Variants in EXOC2 observed in about 807,000 individuals in gnomAD.
The protein encoded by EXOC2 is exocyst complex component 2.
EXOC2 carries 70 observed loss-of-function variants against 131.8 expected under a neutral mutation model. That is an observed-to-expected ratio of 0.53 (90% CI 0.44 to 0.65). EXOC2 has a LOEUF of 0.65. EXOC2 is among the 30% of genes least tolerant of loss of function. The probability of loss-of-function intolerance (pLI) is 0.00; values close to 1 mark genes in which losing one functional copy is unlikely to be tolerated. For synonymous variants in EXOC2, 411 were observed against 398.4 expected, an observed-to-expected ratio of 1.03 and a Z score of -0.38; for missense variants, 923 against 1,108.6, an observed-to-expected ratio of 0.83 and a Z score of 2.38.
chr6:677,337 T>C (rs1398546708), intron 1 of EXOC2, among the ~76,000 whole-genome samples: 2 of 152,386 alleles, frequency 1.3e-5, no homozygotes, highest in Middle Eastern at 3.4e-3. Context: ...GTTGAAGTTT[T>C]TGTGTTTAGT....
chr6:513,508 A>C (rs1764972021), intron 23 of EXOC2, among the ~76,000 whole-genome samples: 1 of 152,230 alleles, frequency 6.6e-6, no homozygotes, highest in Admixed American at 6.5e-5. Context: ...CATCATATTT[A>C]AAGTCCATGA....
At chr6:682,383 G>A (rs1358484342) in intron 1 of EXOC2, among the ~76,000 whole-genome samples, 2 of 151,872 alleles carry the variant, frequency 1.3e-5, no homozygotes, top group East Asian at 3.9e-4. Context: ...TGTATTTTTA[G>A]TAGAGACAGG....
rs190212963 is a variant in EXOC2, at chr6:534,353, T to A, written c.2239-1743A>T. On this transcript the variant is annotated intron_variant, in intron 22 of 27. Transcript: ENST00000230449. ...AGGCTTGCAGAGTGCCAGGCTAGAC[T>A]GGTAAGACAGCCCACATATCTAGGC... 1.9e-3 allele frequency among the ~76,000 whole-genome samples: 289 copies of A among 152,234 alleles called. 2 individuals are homozygous for A. The highest frequency in any genetic ancestry group is 6.5e-3 in the African/African-American group (269 of 41,530).
chr6:485,298 C>G lies in EXOC2; in HGVS notation c.*1373G>C, dbSNP rs1018060450. On this transcript the variant is annotated 3_prime_UTR_variant, in exon 28 of 28. Coordinates refer to ENST00000230449, the MANE Select transcript of EXOC2 (RefSeq NM_018303.6). The stretch of plus-strand genomic sequence containing the variant: ...ACTTAGGAAAGACAATTCTTAACAG[C>G]TTTATCAAGCACATTTGTGAAAGAT... 2.0e-5 allele frequency: 3 copies of G among 152,170 alleles called. No homozygotes were observed. Among genetic ancestry groups the G allele is most frequent in the Non-Finnish European group, 4.4e-5 (3 of 68,034 alleles). The allele number at this position is 152,170 out of a possible 1,614,324, so 9.4% of individuals were successfully genotyped here. A position where few individuals can be genotyped will look rare whatever the true frequency, so the allele number is the denominator to read the frequency against.
intron 22 of EXOC2, among the ~76,000 whole-genome samples, chr6:545,693 C>T (rs1031100650): frequency 7.9e-5 from 12 of 152,096 alleles, no homozygotes; most frequent in African/African-American, 2.9e-4. Flanking sequence ...CAATATTTAC[C>T]AAGTACCTCT....
At chr6:489,952 G>A (rs78737847) in intron 26 of EXOC2, among the ~76,000 whole-genome samples, 2,495 of 152,290 alleles carry the variant, frequency 0.016, 74 homozygotes, top group African/African-American at 0.055. Flanking sequence ...GGGAGGGCGC[G>A]GTGGGGTGTG....
At chr6:654,828 A>AAAAAAAAAAAC (rs1762995070) in intron 1 of EXOC2, among the ~76,000 whole-genome samples, 1 of 139,086 alleles carries the variant, frequency 7.2e-6, no homozygotes, top group Non-Finnish European at 1.6e-5. Context: ...AAAAAAAAAA[A>AAAAAAAAAAAC]AAAAAAAAAG....
In EXOC2 at chr6:617,841, A is replaced by G. The variant is rs200298028; in HGVS notation, c.537-6T>C. Reference sequence around the variant, plus strand: ...CCATTTTGAGCTGCTCAAAACTGAAATGAAATAAAGAAACCAAAGTTTGAC... The same window carrying G: ...CCATTTTGAGCTGCTCAAAACTGAAGTGAAATAAAGAAACCAAAGTTTGAC... On this transcript the variant is annotated splice_polypyrimidine_tract_variant and splice_region_variant and intron_variant, in intron 5 of 27. Transcript: ENST00000230449. The G allele has an allele frequency of 8.6e-5, 139 of 1,610,706 alleles. 1 individual carries two copies. The East Asian group carries it at 3.1e-3, about 35-fold the overall frequency.
rs777741723 is a variant in EXOC2, at chr6:549,257, C to T, written c.2156G>A (p.Cys719Tyr). ...QRLLIVLSNC[C>Y]YLERHTFLNI... Reference sequence around the variant, plus strand: ...TAGGAAGGTGTGACGTTCTAGATAGCAGCAATTACTTAGGACTATCAAAAG... The same window carrying T: ...TAGGAAGGTGTGACGTTCTAGATAGTAGCAATTACTTAGGACTATCAAAAG... Residue 719 changes from cysteine to tyrosine, a missense_variant, in exon 22 of 28, where the codon TGC becomes TAC. Physicochemically the swap from Cys to Tyr is radical, Grantham distance 194 (BLOSUM62 -2). Transcript: ENST00000230449. 2.5e-6 allele frequency: 4 copies of T among 1,614,042 alleles called. No homozygotes were observed. The highest frequency in any genetic ancestry group is 2.2e-5 in the East Asian group (1 of 44,904).
chr6:545,433 G>A (rs1756796350), intron 22 of EXOC2, among the ~76,000 whole-genome samples: 2 of 152,100 alleles, frequency 1.3e-5, no homozygotes, highest in South Asian at 4.1e-4. Flanking sequence ...TTTGGTTGGT[G>A]GCAAATTTGG....
chr6:589,970 C>G (rs1009926178), intron 11 of EXOC2, among the ~76,000 whole-genome samples: 4 of 152,320 alleles, frequency 2.6e-5, no homozygotes, highest in South Asian at 4.1e-4. Context: ...AAAAAATTAG[C>G]TAGGCGTGGT....
chr6:561,391 G>T (rs6914219), intron 17 of EXOC2, among the ~76,000 whole-genome samples: 1 of 152,092 alleles, frequency 6.6e-6, no homozygotes, highest in Non-Finnish European at 1.5e-5. Context: ...GTATATGAAG[G>T]GATCTGGAAC....
At chr6:495,345 C>T (rs922204833) in intron 25 of EXOC2, among the ~76,000 whole-genome samples, 27 of 151,452 alleles carry the variant, frequency 1.8e-4, no homozygotes, top group African/African-American at 4.9e-4. Flanking sequence ...AGGATGGTCT[C>T]GATCTCCTGA....
At chr6:629,993 A>C (rs377754858) in intron 3 of EXOC2, 32 bp from the exon 4 acceptor site, 2 of 1,610,992 alleles carry the variant, frequency 1.2e-6, no homozygotes, top group African/African-American at 2.7e-5. Context: ...GCTTAATAAG[A>C]TGAAGCCTAC....
chr6:503,948 G>C (rs1479893127), intron 23 of EXOC2, among the ~76,000 whole-genome samples: 1 of 152,192 alleles, frequency 6.6e-6, no homozygotes, highest in South Asian at 2.1e-4. Context: ...CCAATTGCTT[G>C]TTTTCTGTTT....
rs771658375 is a variant in EXOC2 at position 527,460 on chromosome 6, A to T, written c.2380+5009T>A. On this transcript the variant is annotated intron_variant, in intron 23 of 27. Transcript: ENST00000230449. ...GCTGTGCTTCTGCCTCTGTCTCCATAATTAGACTTACATTTTCTTTCTCTT... is the reference window on the plus strand; with the variant it reads ...GCTGTGCTTCTGCCTCTGTCTCCATTATTAGACTTACATTTTCTTTCTCTT... 1.1e-4 allele frequency among the ~76,000 whole-genome samples: 17 copies of T among 152,222 alleles called. 1 individual carries two copies. Among genetic ancestry groups the T allele is most frequent in the Non-Finnish European group, 1.5e-5 (1 of 68,038 alleles).
chr6:691,670 T>C (rs1207785421), intron 1 of EXOC2, among the ~76,000 whole-genome samples: 1 of 152,228 alleles, frequency 6.6e-6, no homozygotes, highest in Non-Finnish European at 1.5e-5. Flanking sequence ...AGTCAAAAGT[T>C]ACATGGAAAT....
intron 3 of EXOC2, among the ~76,000 whole-genome samples, chr6:631,672 C>G (rs1194130493): frequency 1.3e-5 from 2 of 151,998 alleles, no homozygotes; most frequent in East Asian, 3.8e-4. Flanking sequence ...ATAAATAGAT[C>G]ATAAGATATT....
chr6:552,486 T>C (rs1757199883), intron 21 of EXOC2, among the ~76,000 whole-genome samples: 1 of 152,236 alleles, frequency 6.6e-6, no homozygotes, highest in Admixed American at 6.5e-5. Context: ...TTCTTGGTGT[T>C]CTTATCTACT....
Sources: allele counts gnomAD v4.1 joint callset (sites outside exome capture counted in the v4.1 genomes callset), GRCh38; gene constraint gnomAD v4.1.1; transcripts MANE v1.5; gene names NCBI Gene and HGNC (gene_info 2026-07-23, HGNC 2026-07-21).